The following CCDC144A variants were observed in gnomAD, a reference collection of about 807,000 sequenced individuals.
CCDC144A encodes the protein coiled-coil domain containing 144A, also known as coiled-coil domain-containing protein 144A.
A neutral mutation model predicts 143.8 loss-of-function variants in CCDC144A; 41 were observed. That is an observed-to-expected ratio of 0.29 (90% confidence interval 0.22 to 0.37). The LOEUF (loss-of-function observed/expected upper bound fraction) is 0.37, where lower values mean the gene tolerates loss of function less well. Among genes scored for constraint, CCDC144A ranks in the 10% least tolerant of loss-of-function variants. The pLI, the probability that CCDC144A is intolerant of heterozygous loss-of-function variation, is 1.00. For missense variants in CCDC144A, 637 were observed against 1,488.8 expected (o/e 0.43, Z 9.41); for synonymous variants, 242 against 517.9 (o/e 0.47, Z 7.23).
intron 13 of CCDC144A, 144 bp from the exon 14 acceptor site, chr17:16,762,169 T>A: frequency 7.6e-7 from 1 of 1,307,308 alleles, no homozygotes; most frequent in Non-Finnish European, 1.0e-6. Flanking sequence ...TCTTTCTTTC[T>A]TCACATTTTT....
intron 2 of CCDC144A, among the ~76,000 whole-genome samples, chr17:16,697,916 C>T (rs963960203): frequency 5.3e-5 from 8 of 152,072 alleles, no homozygotes; most frequent in African/African-American, 1.9e-4. Context: ...AGCATTTAAC[C>T]GGGACACGAG....
chr17:16,717,838 A>AT lies in CCDC144A; in HGVS notation c.1716-2354dup, dbSNP rs575096573. ...ATTATAAAACATTGGCCTTTTGTAG[A>AT]TTTTTTAAAGTTGTGGTTCTGCGTT... On this transcript the variant is annotated intron_variant, in intron 6 of 16. Transcript: ENST00000399273. 1.5e-3 allele frequency among the ~76,000 whole-genome samples: 224 copies of AT among 152,234 alleles called. 1 individual carries two copies. The highest frequency in any genetic ancestry group is 5.1e-3 in the African/African-American group (213 of 41,540).
At chr17:16,682,325 A>G in the CCDC144A span, among the ~76,000 whole-genome samples, 9 of 151,858 alleles carry the variant, frequency 5.9e-5, no homozygotes, top group Non-Finnish European at 1.2e-4. Flanking sequence ...TGAGCTGAGA[A>G]ACTATAAAAT....
In CCDC144A at chr17:16,775,803, G is replaced by A. The variant is rs1260712123; in HGVS notation, c.*2170G>A. ...CCTTGCCTGTGTCCTGAATGGCATT[G>A]CCTAGGTTTTCTTCCAGGATTTTTA... On this transcript the variant is annotated 3_prime_UTR_variant, in exon 17 of 17. Transcript: ENST00000399273. The A allele has an allele frequency of 6.6e-6, 1 of 152,244 alleles. No homozygotes were observed. The highest frequency in any genetic ancestry group is 2.4e-5 in the African/African-American group (1 of 41,460). The allele number at this position is 152,244 out of a possible 1,614,324, so 9.4% of individuals were successfully genotyped here. A position where few individuals can be genotyped will look rare whatever the true frequency, so the allele number is the denominator to read the frequency against.
intron 12 of CCDC144A, chr17:16,745,897 C>T: frequency 1.9e-6 from 3 of 1,597,278 alleles, no homozygotes; most frequent in African/African-American, 1.3e-5. Flanking sequence ...GGTCCTTTCC[C>T]CCATCTCTGC....
intron 12 of CCDC144A, among the ~76,000 whole-genome samples, chr17:16,747,366 T>C (rs1482708961): frequency 2.6e-5 from 4 of 152,238 alleles, no homozygotes; most frequent in African/African-American, 4.8e-5. Flanking sequence ...CAGGCTTGGT[T>C]CTCTTTGCTT....
the CCDC144A span, among the ~76,000 whole-genome samples, chr17:16,679,891 T>C: frequency 6.6e-6 from 1 of 152,128 alleles, no homozygotes; most frequent in African/African-American, 2.4e-5. Context: ...CTAACTTACA[T>C]TAACCAAATT....
At chr17:16,758,212 C>G (rs916661143) in intron 12 of CCDC144A, among the ~76,000 whole-genome samples, 2 of 151,956 alleles carry the variant, frequency 1.3e-5, no homozygotes, top group Non-Finnish European at 2.9e-5. Context: ...GAAAAACACA[C>G]TAATTTCTAA....
At chr17:16,732,799 G>A (rs1401388693) in intron 11 of CCDC144A, 133 bp downstream of exon 11, 4 of 659,282 alleles carry the variant, frequency 6.1e-6, no homozygotes, top group African/African-American at 6.0e-5. Flanking sequence ...ACACACATTT[G>A]GGGGTGGTGA....
chr17:16,692,719 T>A (rs186319359), intron 1 of CCDC144A, among the ~76,000 whole-genome samples: 6 of 151,936 alleles, frequency 3.9e-5, no homozygotes, highest in African/African-American at 1.4e-4. Context: ...GTAATAGAGC[T>A]AGGACGCTTT....
At chr17:16,723,040 A>ATT (rs56934581) in intron 8 of CCDC144A, among the ~76,000 whole-genome samples, 10 of 147,824 alleles carry the variant, frequency 6.8e-5, no homozygotes, top group African/African-American at 2.0e-4. Flanking sequence ...TTTCTCCTCT[A>ATT]TTTTTTTTTT....
upstream of CCDC144A, chr17:16,689,576 C>A (rs1055069268): frequency 6.6e-6 from 1 of 152,368 alleles, no homozygotes; most frequent in Admixed American, 6.5e-5. Flanking sequence ...TGGCACCAGG[C>A]GTTCCCCGAC....
rs1157243235 is a variant in CCDC144A, at chr17:16,735,320, A to G, written c.3049A>G (p.Thr1017Ala). 1 of 1,180,256 alleles carries G rather than the reference A, an allele frequency of 8.5e-7. No homozygotes were observed. The allele number at this position is 1,180,256 out of a possible 1,614,324, so 73.1% of individuals were successfully genotyped here. ...LSQTQCQKKE[T>A]EQMYQIEQSK... ...CCAAACACAGTGTCAGAAGAAAGAA[A>G]CTGAACAAATGTACCAAATTGAACA... The change falls in exon 12 of 17, where the codon ACT becomes GCT. Residue 1017 changes from threonine to alanine, a missense_variant. Coordinates refer to ENST00000399273, the MANE Select transcript of CCDC144A (RefSeq NM_001382000.1).
At chr17:16,767,806 C>T (rs1221826772) in intron 15 of CCDC144A, among the ~76,000 whole-genome samples, 1 of 152,252 alleles carries the variant, frequency 6.6e-6, no homozygotes, top group African/African-American at 2.4e-5. Flanking sequence ...AACAAGTTTT[C>T]TCTACATTCA....
intron 12 of CCDC144A, among the ~76,000 whole-genome samples, chr17:16,737,214 T>C (rs1318187662): frequency 1.4e-5 from 2 of 139,510 alleles, no homozygotes; most frequent in African/African-American, 5.6e-5. Flanking sequence ...TCGCCCAGGC[T>C]GGAGTGCAGT....
the CCDC144A span, among the ~76,000 whole-genome samples, chr17:16,670,134 T>A: frequency 2.4e-4 from 36 of 151,612 alleles, no homozygotes; most frequent in Non-Finnish European, 2.5e-4. Flanking sequence ...TGAGCTGAGA[T>A]CACGCCACTG....
At chr17:16,704,175 C>T (rs529626735) in intron 2 of CCDC144A, among the ~76,000 whole-genome samples, 106 of 152,114 alleles carry the variant, frequency 7.0e-4, no homozygotes, top group Non-Finnish European at 1.4e-3. Context: ...AATCTCAGGC[C>T]GGGCGCGGTG....
At chr17:16,749,516 T>G (rs1449758758) in intron 12 of CCDC144A, among the ~76,000 whole-genome samples, 1 of 152,236 alleles carries the variant, frequency 6.6e-6, no homozygotes, top group African/African-American at 2.4e-5. Context: ...AACATGTTGT[T>G]GATCTTGGAG....
At chr17:16,729,368 G>C (rs181793749) in intron 9 of CCDC144A, among the ~76,000 whole-genome samples, 4 of 152,132 alleles carry the variant, frequency 2.6e-5, no homozygotes, top group Admixed American at 2.0e-4. Context: ...AAATATGTTT[G>C]TTGGCCATTT....
Sources: allele counts gnomAD v4.1 joint callset (sites outside exome capture counted in the v4.1 genomes callset), GRCh38; gene constraint gnomAD v4.1.1; transcripts MANE v1.5; gene names NCBI Gene and HGNC (gene_info 2026-07-23, HGNC 2026-07-21).